DACH1: variants seen among roughly 807,000 people sequenced by gnomAD.
DACH1 encodes the protein dachshund family transcription factor 1, also known as dachshund homolog 1.
In DACH1, 12 loss-of-function variants were observed where a neutral mutation model predicts 54.2. The observed-to-expected ratio is 0.22, with a 90% confidence interval of 0.14 to 0.36. DACH1 has a LOEUF of 0.36. Ranked by LOEUF, DACH1 falls within the 10% of genes least tolerant of loss-of-function variation. DACH1 has a pLI of 1.00. For synonymous variants in DACH1, 386 were observed against 366.2 expected (o/e 1.05, Z -0.62); for missense variants, 805 against 929.8 (o/e 0.87, Z 1.75).
chr13:71,551,665 C>T (rs928625298), intron 6 of DACH1, among the ~76,000 whole-genome samples: 1 of 151,992 alleles, frequency 6.6e-6, no homozygotes, highest in Non-Finnish European at 1.5e-5. Flanking sequence ...ACAATGAGAA[C>T]TGCACAAATA....
chr13:71,839,887 T>C (rs1180313326), intron 1 of DACH1, among the ~76,000 whole-genome samples: 1 of 152,164 alleles, frequency 6.6e-6, no homozygotes, highest in Non-Finnish European at 1.5e-5. Flanking sequence ...TCTTTCCATT[T>C]TAGTTTACTT....
intron 1 of DACH1, among the ~76,000 whole-genome samples, chr13:71,738,279 G>T (rs930136720): frequency 6.6e-6 from 1 of 152,108 alleles, no homozygotes; most frequent in Non-Finnish European, 1.5e-5. Context: ...GTGTACTTGG[G>T]GCAGGGTGAG....
chr13:71,498,897 T>C (rs1168965369), intron 6 of DACH1, among the ~76,000 whole-genome samples: 1 of 152,164 alleles, frequency 6.6e-6, no homozygotes, highest in Non-Finnish European at 1.5e-5. Flanking sequence ...AAAATTTCTG[T>C]ATTCAGAAAT....
At chr13:71,706,333 T>C (rs1594118847) in intron 1 of DACH1, among the ~76,000 whole-genome samples, 1 of 151,962 alleles carries the variant, frequency 6.6e-6, no homozygotes, top group African/African-American at 2.4e-5. Context: ...AATTGAAATC[T>C]ATTGGGTAGC....
At chr13:71,632,199 GT>G (rs1334994942) in intron 2 of DACH1, among the ~76,000 whole-genome samples, 1 of 152,088 alleles carries the variant, frequency 6.6e-6, no homozygotes, top group Non-Finnish European at 1.5e-5. Flanking sequence ...AGACCATGCT[GT>G]TCTGACTTTA....
chr13:71,449,503 C>T (rs1874811713), intron 10 of DACH1, among the ~76,000 whole-genome samples: 2 of 151,634 alleles, frequency 1.3e-5, no homozygotes, highest in East Asian at 2.0e-4. Flanking sequence ...GGGAAGGGAA[C>T]ATCACACACT....
chr13:71,696,475 A>G (rs1044852836), intron 1 of DACH1, among the ~76,000 whole-genome samples: 2 of 152,174 alleles, frequency 1.3e-5, no homozygotes, highest in African/African-American at 2.4e-5. Context: ...TGCCATGCTA[A>G]TCATAAAAAT....
intron 6 of DACH1, among the ~76,000 whole-genome samples, chr13:71,492,683 CT>C (rs879568902): frequency 0.013 from 1,832 of 144,350 alleles, 21 homozygotes; most frequent in Admixed American, 0.031. Context: ...CATTTTGTCA[CT>C]TTTTTTTTTT....
chr13:71,831,590 C>T (rs1888592339), intron 1 of DACH1, among the ~76,000 whole-genome samples: 1 of 151,650 alleles, frequency 6.6e-6, no homozygotes, highest in African/African-American at 2.4e-5. Context: ...TATGAAAGAC[C>T]CCCTTCAAAT....
chr13:71,783,974 AAAAAAAC>A (rs1886488506), intron 1 of DACH1, among the ~76,000 whole-genome samples: 1 of 150,724 alleles, frequency 6.6e-6, no homozygotes. Context: ...TAAAAAAAAA[AAAAAAAC>A]AAAAAAAAAA....
intron 6 of DACH1, among the ~76,000 whole-genome samples, chr13:71,504,216 A>G (rs1880138108): frequency 6.6e-6 from 1 of 152,228 alleles, no homozygotes; most frequent in Admixed American, 6.6e-5. Context: ...CAAAAAGTCA[A>G]CAATTAACAC....
At chr13:71,548,885 C>T (rs1294994401) in intron 6 of DACH1, among the ~76,000 whole-genome samples, 4 of 151,706 alleles carry the variant, frequency 2.6e-5, no homozygotes, top group Non-Finnish European at 5.9e-5. Context: ...CCACTGCACT[C>T]CAGCCTGGGC....
intron 1 of DACH1, among the ~76,000 whole-genome samples, chr13:71,754,250 T>G (rs930515117): frequency 6.6e-6 from 1 of 152,190 alleles, no homozygotes; most frequent in Non-Finnish European, 1.5e-5. Context: ...CCATTTCCCT[T>G]CTGGCATCGC....
intron 1 of DACH1, among the ~76,000 whole-genome samples, chr13:71,787,875 A>C (rs1372584421): frequency 6.6e-6 from 1 of 152,186 alleles, no homozygotes; most frequent in Non-Finnish European, 1.5e-5. Flanking sequence ...AAATGAGCGG[A>C]AATCTGGGAG....
intron 3 of DACH1, among the ~76,000 whole-genome samples, chr13:71,578,687 A>G (rs1217232431): frequency 6.6e-6 from 1 of 152,184 alleles, no homozygotes; most frequent in African/African-American, 2.4e-5. Flanking sequence ...AGAAAAGAAG[A>G]AATCTTCTAG....
chr13:71,636,948 T>C (rs1283809038), intron 2 of DACH1, among the ~76,000 whole-genome samples: 2 of 152,190 alleles, frequency 1.3e-5, no homozygotes, highest in South Asian at 4.2e-4. Flanking sequence ...GGGCTATTGT[T>C]AAAAATTTTT....
At chr13:71,850,405 C>T (rs1873581167) in intron 1 of DACH1, among the ~76,000 whole-genome samples, 1 of 152,122 alleles carries the variant, frequency 6.6e-6, no homozygotes, top group Non-Finnish European at 1.5e-5. Flanking sequence ...CCAAACCATG[C>T]ATTTCCCTTT....
At chr13:71,642,359 C>T (rs772799622) in intron 2 of DACH1, among the ~76,000 whole-genome samples, 4 of 152,170 alleles carry the variant, frequency 2.6e-5, no homozygotes, top group Non-Finnish European at 4.4e-5. Flanking sequence ...ACAAAAGCTT[C>T]GTGAGAAACA....
At chr13:71,582,267 T>C (rs1046139706) in intron 3 of DACH1, among the ~76,000 whole-genome samples, 1 of 152,160 alleles carries the variant, frequency 6.6e-6, no homozygotes, top group African/African-American at 2.4e-5. Context: ...CAAATGATTG[T>C]ATTAATGCAT....
Sources: allele counts gnomAD v4.1 joint callset (sites outside exome capture counted in the v4.1 genomes callset), GRCh38; gene constraint gnomAD v4.1.1; transcripts MANE v1.5; gene names NCBI Gene and HGNC (gene_info 2026-07-23, HGNC 2026-07-21).